Variants in DPP6 observed in about 807,000 individuals in gnomAD.
The protein encoded by DPP6 is dipeptidyl peptidase like 6.
A neutral mutation model predicts 122.6 loss-of-function variants in DPP6; 69 were observed. The ratio of observed to expected loss-of-function variants is 0.56; its 90% CI spans 0.46 to 0.69. The LOEUF is 0.69. Ranked by LOEUF, DPP6 falls within the 30% of genes least tolerant of loss-of-function variation. The probability of loss-of-function intolerance (pLI) is 0.00; values close to 1 mark genes in which losing one functional copy is unlikely to be tolerated. For missense variants in DPP6, 928 were observed against 1,116.9 expected (o/e 0.83, Z 2.41); for synonymous variants, 418 against 433.1 (o/e 0.97, Z 0.43).
In DPP6 at chr7:154,727,782, A is replaced by T; in HGVS notation, c.778A>T (p.Asn260Tyr). ...TCCAAATTAGATATTTATTTTTGAA[A>T]ACAATATCTACTACTGTGCACATGT... ...KGQQLIFIFE[N>Y]NIYYCAHVGK... The change falls in exon 8 of 26, where the codon AAC becomes TAC. Residue 260 changes from asparagine (N) to tyrosine (Y), a missense_variant. Asn to Tyr is a moderately radical substitution (Grantham distance 143). Coordinates refer to ENST00000377770, the MANE Select transcript of DPP6 (RefSeq NM_130797.4). 1 of 1,611,858 alleles carries T rather than the reference A, an allele frequency of 6.2e-7. No homozygotes were observed. Among genetic ancestry groups the T allele is most frequent in the Non-Finnish European group, 8.5e-7 (1 of 1,178,644 alleles).
At chr7:154,643,720 G>A (rs183887427) in intron 6 of DPP6, among the ~76,000 whole-genome samples, 12 of 152,100 alleles carry the variant, frequency 7.9e-5, no homozygotes, top group East Asian at 1.9e-4. Context: ...TGCCCACCTC[G>A]GCCTCCCGAA....
At chr7:154,663,648 C>T (rs1374752394) in intron 6 of DPP6, among the ~76,000 whole-genome samples, 13 of 47,836 alleles carry the variant, frequency 2.7e-4, no homozygotes, top group South Asian at 1.6e-3. Flanking sequence ...ATCACCATGG[C>T]ATATTGGCCA....
intron 4 of DPP6, among the ~76,000 whole-genome samples, chr7:154,542,035 T>C (rs1459287970): frequency 6.6e-6 from 1 of 152,194 alleles, no homozygotes; most frequent in Admixed American, 6.5e-5. Context: ...TTAAATACTT[T>C]CATTTCTTTT....
At chr7:154,757,542 CG>C (rs1486764247) in intron 8 of DPP6, among the ~76,000 whole-genome samples, 1 of 152,198 alleles carries the variant, frequency 6.6e-6, no homozygotes, top group Non-Finnish European at 1.5e-5. Context: ...GGCCTTCGTA[CG>C]GTGCCTGTCT....
rs556452665 is a variant in DPP6 at position 154,211,840 on chromosome 7, G to T, written c.243+158777G>T. Among the ~76,000 whole-genome samples, 5 of 152,238 alleles carry T rather than the reference G, an allele frequency of 3.3e-5. No homozygotes were observed. In the South Asian group the frequency reaches 1.0e-3, roughly 32 times the overall value. ...CCAGGCTTCCACCTGCCCTCATCAGGGTCCACACAGGGAAGGGACAGCCTT... is the reference window on the plus strand; with the variant it reads ...CCAGGCTTCCACCTGCCCTCATCAGTGTCCACACAGGGAAGGGACAGCCTT... On this transcript the variant is annotated intron_variant, in intron 1 of 25. Coordinates refer to ENST00000377770, the MANE Select transcript of DPP6 (RefSeq NM_130797.4).
chr7:154,045,552 TC>T (rs1799978655), intron 1 of DPP6, among the ~76,000 whole-genome samples: 1 of 152,242 alleles, frequency 6.6e-6, no homozygotes, highest in Admixed American at 6.5e-5. Context: ...TCGCTGTTGG[TC>T]CAGAAACAAC....
intron 1 of DPP6, among the ~76,000 whole-genome samples, chr7:154,297,838 G>T (rs2150974484): frequency 6.6e-6 from 1 of 152,316 alleles, no homozygotes; most frequent in Admixed American, 6.5e-5. Context: ...AAGGCGGGAA[G>T]GAGAGGGAGA....
At position 154,403,671 on chromosome 7, in the gene DPP6, T is replaced by A. The variant is rs1488330838; in HGVS notation, c.244-42543T>A. Among the ~76,000 whole-genome samples, 1 of 152,160 alleles carries A rather than the reference T, an allele frequency of 6.6e-6. No homozygotes were observed. The highest frequency in any genetic ancestry group is 1.5e-5 in the Non-Finnish European group (1 of 68,022). ...GGGGCACGTGAAGAGTGGGCCAGAG[T>A]GCCAGGGAGGCAGCAATCTGCAGGT... On this transcript the variant is annotated intron_variant, in intron 1 of 25. Coordinates refer to ENST00000377770, the MANE Select transcript of DPP6 (RefSeq NM_130797.4). The surrounding 1 kb of genome is among the most constrained non-coding windows in gnomAD (Gnocchi z 4.1).
At chr7:154,060,419 C>G (rs1585267379) in intron 1 of DPP6, among the ~76,000 whole-genome samples, 2 of 134,512 alleles carry the variant, frequency 1.5e-5, no homozygotes, top group African/African-American at 3.0e-5. Context: ...AGGGGGGAGG[C>G]ACCCCCCGCG....
In DPP6 at chr7:154,332,490, C is replaced by A. The variant is rs998623213; in HGVS notation, c.244-113724C>A. Among the ~76,000 whole-genome samples, 6 of 152,216 alleles carry A rather than the reference C, an allele frequency of 3.9e-5. No homozygotes were observed. In the South Asian group the frequency reaches 6.2e-4, roughly 16 times the overall value. On this transcript the variant is annotated intron_variant, in intron 1 of 25. Transcript: ENST00000377770. ...CCCGCGTCTCTCACGGGCTCCCAGG[C>A]CATGCAGTTGATGTTGGTCCATGGA... is the stretch of plus-strand genomic sequence containing the variant.
chr7:154,586,304 T>C (rs570723458), intron 5 of DPP6, among the ~76,000 whole-genome samples: 1 of 152,284 alleles, frequency 6.6e-6, no homozygotes, highest in Non-Finnish European at 1.5e-5. Context: ...TTGAACTTAT[T>C]GCCTTGAGAC....
At chr7:153,910,342 G>C (rs922027451) in intron 1 of DPP6, among the ~76,000 whole-genome samples, 2 of 151,054 alleles carry the variant, frequency 1.3e-5, no homozygotes, top group African/African-American at 4.9e-5. Flanking sequence ...CACTTCTCCT[G>C]CCTCAGACCC....
intron 9 of DPP6, 126 bp from the exon 10 acceptor site, chr7:154,772,719 C>A: frequency 7.6e-7 from 1 of 1,308,860 alleles, no homozygotes; most frequent in Non-Finnish European, 1.1e-6. Context: ...TAATTCTGCT[C>A]CTTAATATGG....
intron 1 of DPP6, among the ~76,000 whole-genome samples, chr7:153,967,318 T>C (rs1350456818): frequency 6.6e-6 from 1 of 152,148 alleles, no homozygotes; most frequent in African/African-American, 2.4e-5. Context: ...GATATGTGAC[T>C]TAGCTCTCAG....
At chr7:154,742,408 GGT>G (rs1424641454) in intron 8 of DPP6, among the ~76,000 whole-genome samples, 1 of 152,128 alleles carries the variant, frequency 6.6e-6, no homozygotes, top group Non-Finnish European at 1.5e-5. Context: ...TTGGCAGAAT[GGT>G]ATCTTCTGAT....
chr7:154,635,600 A>G (rs1450760523), intron 5 of DPP6, among the ~76,000 whole-genome samples: 1 of 152,240 alleles, frequency 6.6e-6, no homozygotes, highest in Non-Finnish European at 1.5e-5. Context: ...GTGGCTTAAG[A>G]CAGCCAACAT....
intron 1 of DPP6, among the ~76,000 whole-genome samples, chr7:154,273,937 A>T (rs937650491): frequency 5.3e-5 from 8 of 152,160 alleles, no homozygotes; most frequent in Non-Finnish European, 1.2e-4. Context: ...CGTACAGATA[A>T]TCACTGTATC....
At chr7:153,770,525 G>T in the DPP6 span, among the ~76,000 whole-genome samples, 1 of 151,950 alleles carries the variant, frequency 6.6e-6, no homozygotes, top group Admixed American at 6.6e-5. Context: ...CACAAGAAAG[G>T]CCAAGGAGAA....
chr7:154,477,495 A>G (rs1822850262), intron 3 of DPP6, among the ~76,000 whole-genome samples: 1 of 150,402 alleles, frequency 6.6e-6, no homozygotes, highest in Admixed American at 6.7e-5. Context: ...TAGAAAGCCC[A>G]TGGCATCAGA....
Sources: allele counts gnomAD v4.1 joint callset (sites outside exome capture counted in the v4.1 genomes callset), GRCh38; gene constraint gnomAD v4.1.1; non-coding constraint Gnocchi (gnomAD v3.1); transcripts MANE v1.5; gene names NCBI Gene and HGNC (gene_info 2026-07-23, HGNC 2026-07-21).